Variants in RIN2 observed in about 807,000 individuals in gnomAD.
RIN2 encodes the protein Ras and Rab interactor 2.
RIN2 carries 36 observed loss-of-function variants against 78.0 expected under a neutral mutation model. That is an observed-to-expected ratio of 0.46 (90% CI 0.35 to 0.61). The LOEUF (loss-of-function observed/expected upper bound fraction) is 0.61, where lower values mean the gene tolerates loss of function less well. RIN2 is among the 20% of genes least tolerant of loss of function. The probability of loss-of-function intolerance (pLI) is 0.00; values close to 1 mark genes in which losing one functional copy is unlikely to be tolerated. For synonymous variants in RIN2, 466 were observed against 466.8 expected (o/e 1.00, Z 0.02); for missense variants, 1,087 against 1,159.7 (o/e 0.94, Z 0.91).
chr20:19,984,936 A>G (rs923729704), intron 9 of RIN2, among the ~76,000 whole-genome samples: 1 of 152,160 alleles, frequency 6.6e-6, no homozygotes, highest in African/African-American at 2.4e-5. Context: ...ACAATCACCA[A>G]CTCAGTTAGG....
intron 2 of RIN2, among the ~76,000 whole-genome samples, chr20:19,871,682 T>C (rs964103278): frequency 1.3e-5 from 2 of 152,156 alleles, no homozygotes; most frequent in African/African-American, 4.8e-5. Context: ...TCAGTGCTAG[T>C]GAGGATTGTT....
chr20:19,966,405 C>G (rs1024444745), intron 7 of RIN2, among the ~76,000 whole-genome samples: 44 of 151,960 alleles, frequency 2.9e-4, no homozygotes, highest in African/African-American at 8.9e-4. Context: ...TCACTGCAAC[C>G]TCCACCTCCT....
intron 4 of RIN2, among the ~76,000 whole-genome samples, chr20:19,943,268 G>A (rs558452525): frequency 6.6e-6 from 1 of 152,332 alleles, no homozygotes; most frequent in African/African-American, 2.4e-5. Flanking sequence ...GAGTCAACCA[G>A]AGGAAGTTCC....
chr20:19,983,964 T>C (rs1378596304), intron 9 of RIN2, among the ~76,000 whole-genome samples: 1 of 152,126 alleles, frequency 6.6e-6, no homozygotes, highest in East Asian at 1.9e-4. Flanking sequence ...TGTGCCGTGT[T>C]GGTTTGCTGC....
At chr20:19,977,307 A>G (rs1239622467) in intron 9 of RIN2, among the ~76,000 whole-genome samples, 1 of 152,106 alleles carries the variant, frequency 6.6e-6, no homozygotes, top group Non-Finnish European at 1.5e-5. Flanking sequence ...GAACCAACCC[A>G]AGTTAGTCCC....
chr20:19,928,792 C>G (rs1459665976), intron 3 of RIN2, among the ~76,000 whole-genome samples: 1 of 152,140 alleles, frequency 6.6e-6, no homozygotes, highest in African/African-American at 2.4e-5. Flanking sequence ...CTTGTGGTCA[C>G]CAGCACCCCC....
intron 2 of RIN2, among the ~76,000 whole-genome samples, chr20:19,824,457 G>T (rs73275072): frequency 0.027 from 4,060 of 152,114 alleles, 177 homozygotes; most frequent in African/African-American, 0.092. Context: ...AAAAATTAAC[G>T]CAGGCAGGTG....
chr20:19,941,314 C>T (rs756707767), intron 4 of RIN2, among the ~76,000 whole-genome samples: 2 of 152,106 alleles, frequency 1.3e-5, no homozygotes, highest in Non-Finnish European at 2.9e-5. Flanking sequence ...GAGGTGAGAA[C>T]TGAAGATGAG....
At chr20:19,996,226 G>A (rs994955924) in intron 11 of RIN2, among the ~76,000 whole-genome samples, 1 of 152,088 alleles carries the variant, frequency 6.6e-6, no homozygotes, top group East Asian at 1.9e-4. Context: ...AGGTGGGAGC[G>A]TCGCTTGAAC....
chr20:19,811,554 G>A (rs1279688732), intron 2 of RIN2, among the ~76,000 whole-genome samples: 1 of 152,186 alleles, frequency 6.6e-6, no homozygotes, highest in Non-Finnish European at 1.5e-5. Flanking sequence ...GAGGCACCAT[G>A]AGCATCCATC....
intron 2 of RIN2, among the ~76,000 whole-genome samples, chr20:19,870,255 A>G (rs867073469): frequency 3.3e-5 from 5 of 152,302 alleles, no homozygotes; most frequent in Middle Eastern, 6.8e-3. Flanking sequence ...ATTTTTCCCA[A>G]TAATGTCCTG....
At chr20:19,941,441 A>G (rs2146158159) in intron 4 of RIN2, among the ~76,000 whole-genome samples, 1 of 152,318 alleles carries the variant, frequency 6.6e-6, no homozygotes, top group East Asian at 1.9e-4. Context: ...AACCAGATCC[A>G]CCTTCACTTG....
intron 9 of RIN2, among the ~76,000 whole-genome samples, chr20:19,982,164 G>A (rs568288257): frequency 1.3e-5 from 2 of 152,312 alleles, no homozygotes; most frequent in South Asian, 2.1e-4. Context: ...AGAAAGCAGC[G>A]TGCTTACGAG....
Position 19,860,878 on chromosome 20 carries a change from C to T in RIN2, c.-36-28688C>T, listed in dbSNP as rs541034358. Among the ~76,000 whole-genome samples the T allele has an allele frequency of 6.6e-4, 100 of 152,142 alleles. No individual in the cohort carries two copies. In the Middle Eastern group the frequency reaches 0.01, roughly 16 times the overall value. Reference sequence around the variant, plus strand: ...TTGAGTTAATGAATGACTAAGTGAACGAAGAAAAAAGCCATAAAAGAGGTG... The same window carrying T: ...TTGAGTTAATGAATGACTAAGTGAATGAAGAAAAAAGCCATAAAAGAGGTG... On this transcript the variant is annotated intron_variant, in intron 2 of 12. Transcript: ENST00000255006.
At position 19,912,107 on chromosome 20, in the gene RIN2, A is replaced by G. The variant is rs2039495457; in HGVS notation, c.57+22449A>G. Among the ~76,000 whole-genome samples the G allele has an allele frequency of 3.3e-5, 5 of 152,252 alleles. No individual in the cohort carries two copies. In the South Asian group the frequency reaches 8.3e-4, roughly 25 times the overall value. On this transcript the variant is annotated intron_variant, in intron 3 of 12. Transcript: ENST00000255006. The stretch of plus-strand genomic sequence containing the variant: ...TTTTCATAATTGAATTAAGCTAAAC[A>G]TGAAAAGCAGATTCTAAAACTCAGC...
chr20:19,949,053 G>GT (rs142010188), intron 4 of RIN2, among the ~76,000 whole-genome samples: 21,224 of 152,092 alleles, frequency 0.14, 1,605 homozygotes, highest in South Asian at 0.21. Context: ...GCCAAGGCGG[G>GT]GGATTGCCTG....
rs2042256547 is a variant in RIN2, at chr20:19,975,607, T to G, written c.1582T>G (p.Tyr528Asp). The change falls in exon 9 of 13, where the codon TAC becomes GAC. Residue 528 changes from tyrosine to aspartate, a missense_variant. Tyr to Asp is a radical substitution (Grantham distance 160). Coordinates refer to ENST00000255006, the MANE Select transcript of RIN2 (RefSeq NM_018993.4). The surrounding 1 kb of genome is among the most constrained non-coding windows in gnomAD (Gnocchi z 4.9). The part of the protein sequence containing the change: ...IAELSRDKCT[Y>D]FGCLVQDYVS... ...CGAGCTTTCCCGGGACAAATGCACC[T>G]ACTTCGGGTGCTTAGTGCAGGACTA... 2 of 1,613,920 alleles carry G rather than the reference T, an allele frequency of 1.2e-6. No individual in the cohort carries two copies. The highest frequency in any genetic ancestry group is 1.3e-5 in the African/African-American group (1 of 75,034).
intron 7 of RIN2, 147 bp downstream of exon 7, chr20:19,965,171 A>G: frequency 1.5e-6 from 1 of 684,844 alleles, no homozygotes; most frequent in Non-Finnish European, 2.6e-6. Context: ...AATGTTCACC[A>G]AGTGAACAGG....
intron 2 of RIN2, among the ~76,000 whole-genome samples, chr20:19,826,622 C>G (rs2036096320): frequency 1.3e-5 from 2 of 152,160 alleles, no homozygotes; most frequent in South Asian, 4.1e-4. Flanking sequence ...TTAGGAAACA[C>G]TGATTTATAA....
Sources: gnomAD v4.1 joint callset for allele counts (sites outside exome capture counted in the v4.1 genomes callset) on GRCh38, gnomAD v4.1.1 for gene constraint, Gnocchi (gnomAD v3.1) non-coding constraint, MANE v1.5 for transcripts, NCBI Gene and HGNC (gene_info 2026-07-23, HGNC 2026-07-21) for gene names.